Variants in TFB1M observed in about 807,000 individuals in gnomAD.
TFB1M encodes transcription factor B1, mitochondrial, also known as dimethyladenosine transferase 1, mitochondrial.
TFB1M carries 27 observed loss-of-function variants against 31.1 expected under a neutral mutation model. That is an observed-to-expected ratio of 0.87 (90% confidence interval 0.64 to 1.20). The LOEUF (loss-of-function observed/expected upper bound fraction) is 1.20, where lower values mean the gene tolerates loss of function less well. Among genes scored for constraint, TFB1M ranks in the 50% most tolerant of loss-of-function variants. TFB1M has a pLI of 0.00. For synonymous variants in TFB1M, 166 were observed against 151.8 expected (o/e 1.09, Z -0.69); for missense variants, 394 against 418.7 (o/e 0.94, Z 0.51).
At chr6:155,301,305 T>C (rs1777420515) in intron 2 of TFB1M, among the ~76,000 whole-genome samples, 1 of 152,162 alleles carries the variant, frequency 6.6e-6, no homozygotes, top group African/African-American at 2.4e-5. Flanking sequence ...CTTAAAGCAA[T>C]TATGGGGAAA....
intron 4 of TFB1M, among the ~76,000 whole-genome samples, chr6:155,289,166 T>C (rs144649225): frequency 6.6e-6 from 1 of 152,132 alleles, no homozygotes; most frequent in East Asian, 1.9e-4. Flanking sequence ...CAATGAGAAC[T>C]ATGTAAGGTA....
At position 155,260,261 on chromosome 6, in the gene TFB1M, A is replaced by G. The variant is rs181591401; in HGVS notation, c.794+12T>C. 3.7e-6 allele frequency: 6 copies of G among 1,614,002 alleles called. No homozygotes were observed. In the South Asian group the frequency reaches 6.6e-5, roughly 18 times the overall value. ...AAAGACTGCAACTGAAGAGAAGAAAAGGCATTCTTACCTGAGCCCTCGATG... is the reference window on the plus strand; with the variant it reads ...AAAGACTGCAACTGAAGAGAAGAAAGGGCATTCTTACCTGAGCCCTCGATG... On this transcript the variant is annotated intron_variant, in intron 6 of 6. Transcript: ENST00000367166.
rs1441660897 is a variant in TFB1M at position 155,296,688 on chromosome 6, G to GTGGCATCGATGGCTGTTGCATCCCTC, written c.546+264_546+265insGAGGGATGCAACAGCCATCGATGCCA. On this transcript the variant is annotated intron_variant, in intron 4 of 6. Coordinates refer to ENST00000367166, the MANE Select transcript of TFB1M (RefSeq NM_016020.4). Reference sequence around the variant, plus strand: ...AGGGCATCACTTTTGTCTTTCTCCAGTGGCATCGATGGCTGTTGCATCCCT... The same window carrying GTGGCATCGATGGCTGTTGCATCCCTC: ...AGGGCATCACTTTTGTCTTTCTCCAGTGGCATCGATGGCTGTTGCATCCCTCTGGCATCGATGGCTGTTGCATCCCT... Among the ~76,000 whole-genome samples the GTGGCATCGATGGCTGTTGCATCCCTC allele has an allele frequency of 3.5e-4, 46 of 132,154 alleles. 2 individuals are homozygous for GTGGCATCGATGGCTGTTGCATCCCTC. Among genetic ancestry groups the GTGGCATCGATGGCTGTTGCATCCCTC allele is most frequent in the Admixed American group, 1.5e-3 (21 of 13,874 alleles). The allele number at this position is 132,154 out of a possible 152,430, so 86.7% of individuals were successfully genotyped here.
intron 2 of TFB1M, among the ~76,000 whole-genome samples, chr6:155,307,920 A>G (rs1036273186): frequency 2.6e-5 from 4 of 152,172 alleles, no homozygotes; most frequent in Non-Finnish European, 1.5e-5. Context: ...AAAAAAAAAA[A>G]AAATGAGAGG....
chr6:155,246,082 T>C, the TFB1M span, among the ~76,000 whole-genome samples: 4 of 151,620 alleles, frequency 2.6e-5, no homozygotes, highest in Non-Finnish European at 4.4e-5. Context: ...TTTTTTTTTT[T>C]CCTTGTTAAT....
intron 3 of TFB1M, among the ~76,000 whole-genome samples, chr6:155,297,368 G>C (rs1022215267): frequency 2.0e-5 from 3 of 152,106 alleles, no homozygotes; most frequent in African/African-American, 7.2e-5. Flanking sequence ...GGAAATACAG[G>C]AAAAAGAGTT....
chr6:155,258,239 A>G (rs1374394930), intron 6 of TFB1M, among the ~76,000 whole-genome samples, 157 bp from the exon 7 acceptor site: 1 of 152,214 alleles, frequency 6.6e-6, no homozygotes, highest in Non-Finnish European at 1.5e-5. Flanking sequence ...ATAGCACCAG[A>G]TAAGAGGCAC....
At chr6:155,275,375 A>T (rs2114711288) in intron 5 of TFB1M, among the ~76,000 whole-genome samples, 1 of 152,346 alleles carries the variant, frequency 6.6e-6, no homozygotes, top group East Asian at 1.9e-4. Context: ...GTTGAGTTTT[A>T]AAAAGAATTA....
rs1209551037 is a variant in TFB1M at position 155,314,477 on chromosome 6, G to C, written c.-49C>G. The stretch of plus-strand genomic sequence containing the variant: ...CCCTACCTCACCCAGGACCTTCACC[G>C]CCGCTCCGAAAGAAACGCGCAGGGG... On this transcript the variant is annotated 5_prime_UTR_variant, in exon 1 of 7. Coordinates refer to ENST00000367166, the MANE Select transcript of TFB1M (RefSeq NM_016020.4). 3.7e-6 allele frequency: 6 copies of C among 1,612,910 alleles called. No individual in the cohort carries two copies. Among genetic ancestry groups the C allele is most frequent in the Non-Finnish European group, 5.1e-6 (6 of 1,179,746 alleles).
chr6:155,263,385 C>CGT (rs1291450268), intron 5 of TFB1M, among the ~76,000 whole-genome samples: 1 of 152,190 alleles, frequency 6.6e-6, no homozygotes, highest in African/African-American at 2.4e-5. Flanking sequence ...TTTCCAAACT[C>CGT]AGTCCATCAG....
chr6:155,241,085 C>G, the TFB1M span, among the ~76,000 whole-genome samples: 3 of 152,300 alleles, frequency 2.0e-5, no homozygotes, highest in South Asian at 6.2e-4. Flanking sequence ...GACGGCTGAT[C>G]CAGGCCCCAC....
At position 155,314,443 on chromosome 6, in the gene TFB1M, A is replaced by C. The variant is rs774531191; in HGVS notation, c.-15T>G. 1 of 1,614,044 alleles carries C rather than the reference A, an allele frequency of 6.2e-7. No homozygotes were observed. Among genetic ancestry groups the C allele is most frequent in the Non-Finnish European group, 8.5e-7 (1 of 1,179,980 alleles). On this transcript the variant is annotated 5_prime_UTR_variant, in exon 1 of 7. Transcript: ENST00000367166. ...GAGGCAGCCATGATACGCGGCAAGCACCATCCAACCCTACCTCACCCAGGA... is the reference window on the plus strand; with the variant it reads ...GAGGCAGCCATGATACGCGGCAAGCCCCATCCAACCCTACCTCACCCAGGA...
chr6:155,244,711 T>G, the TFB1M span: 2 of 1,614,120 alleles, frequency 1.2e-6, no homozygotes, highest in South Asian at 2.2e-5. Flanking sequence ...AGAAGGTGTT[T>G]CTGGAGACCC....
the TFB1M span, among the ~76,000 whole-genome samples, chr6:155,246,843 A>G: frequency 2.0e-5 from 3 of 152,248 alleles, no homozygotes; most frequent in Non-Finnish European, 4.4e-5. Context: ...AGAATGTTGT[A>G]GATTTTGATC....
intron 5 of TFB1M, among the ~76,000 whole-genome samples, chr6:155,267,714 G>A (rs149289899): frequency 1.3e-3 from 198 of 152,262 alleles, no homozygotes; most frequent in Non-Finnish European, 1.9e-3. Context: ...TGCCCTGAGT[G>A]CTTTTTCCTC....
At chr6:155,260,193 GC>G in intron 6 of TFB1M, 79 bp downstream of exon 6, 1 of 1,470,712 alleles carries the variant, frequency 6.8e-7, no homozygotes, top group Non-Finnish European at 9.5e-7. Flanking sequence ...TAAGAATAGA[GC>G]AAACAAGGTT....
At chr6:155,289,300 C>T (rs1029201482) in intron 4 of TFB1M, among the ~76,000 whole-genome samples, 5 of 152,118 alleles carry the variant, frequency 3.3e-5, no homozygotes, top group African/African-American at 1.2e-4. Context: ...ACAGGGCCAG[C>T]AGCATCGAGA....
At chr6:155,251,219 C>G (rs1360072714), downstream of TFB1M, among the ~76,000 whole-genome samples, 1 of 152,238 alleles carries the variant, frequency 6.6e-6, no homozygotes, top group Admixed American at 6.5e-5. Flanking sequence ...GTTCTCCCTT[C>G]TGCTGCTTGG....
At chr6:155,235,609 TCTCCTTTTGGGGGCCCTGC>T in the TFB1M span, among the ~76,000 whole-genome samples, 9 of 152,202 alleles carry the variant, frequency 5.9e-5, no homozygotes, top group Non-Finnish European at 1.2e-4. Context: ...TAATTACTCT[TCTCCTTTTGGGGGCCCTGC>T]CTCCTTTTGG....
Sources: gnomAD v4.1 joint callset for allele counts (sites outside exome capture counted in the v4.1 genomes callset) on GRCh38, gnomAD v4.1.1 for gene constraint, MANE v1.5 for transcripts, NCBI Gene and HGNC (gene_info 2026-07-23, HGNC 2026-07-21) for gene names.